TAFA2: variants seen among roughly 807,000 people sequenced by gnomAD.
TAFA2 encodes TAFA chemokine like family member 2, also known as chemokine-like protein TAFA-2.
TAFA2 carries 7 observed loss-of-function variants against 18.8 expected under a neutral mutation model. That is an observed-to-expected ratio of 0.37 (90% CI 0.21 to 0.70). TAFA2 has a LOEUF of 0.70. Among genes scored for constraint, TAFA2 ranks in the 30% least tolerant of loss-of-function variants. The pLI, the probability that TAFA2 is intolerant of heterozygous loss-of-function variation, is 0.53. For missense variants in TAFA2, 122 were observed against 158.1 expected, an observed-to-expected ratio of 0.77 and a Z score of 1.23; for synonymous variants, 60 against 54.2, an observed-to-expected ratio of 1.11 and a Z score of -0.47.
At chr12:62,009,130 C>T (rs1355002664) in intron 1 of TAFA2, among the ~76,000 whole-genome samples, 1 of 152,156 alleles carries the variant, frequency 6.6e-6, no homozygotes, top group Non-Finnish European at 1.5e-5. Context: ...CACATAGAAT[C>T]ATCATATTAA....
At chr12:61,974,336 G>A (rs892816554) in intron 1 of TAFA2, among the ~76,000 whole-genome samples, 23 of 151,712 alleles carry the variant, frequency 1.5e-4, no homozygotes, top group African/African-American at 5.6e-4. Context: ...GCAAGAAAAG[G>A]TCATCTCTTA....
At chr12:61,780,812 C>T (rs11174171) in intron 2 of TAFA2, among the ~76,000 whole-genome samples, 3,741 of 151,828 alleles carry the variant, frequency 0.025, 151 homozygotes, top group African/African-American at 0.086. Flanking sequence ...TCCTCTATGG[C>T]AATAGTCTTC....
intron 1 of TAFA2, among the ~76,000 whole-genome samples, chr12:62,072,076 G>T (rs560508773): frequency 6.6e-6 from 1 of 152,136 alleles, no homozygotes; most frequent in South Asian, 2.1e-4. Context: ...CTTAGACAAA[G>T]TTGCATATCC....
intron 1 of TAFA2, among the ~76,000 whole-genome samples, chr12:62,171,618 A>C (rs975767800): frequency 3.3e-5 from 5 of 152,190 alleles, no homozygotes; most frequent in African/African-American, 9.6e-5. Context: ...CCATGTGAGG[A>C]CACAGCAAGG....
intron 1 of TAFA2, among the ~76,000 whole-genome samples, chr12:62,227,230 A>G (rs1467259387): frequency 2.6e-5 from 4 of 151,716 alleles, no homozygotes; most frequent in African/African-American, 9.7e-5. Flanking sequence ...ACACTCTTAC[A>G]TTTCTTCTTG....
At chr12:62,251,747 C>G (rs956446906) in intron 1 of TAFA2, among the ~76,000 whole-genome samples, 6 of 152,148 alleles carry the variant, frequency 3.9e-5, no homozygotes, top group Admixed American at 3.3e-4. Context: ...TCTTTAAAAC[C>G]CTACATCAAT....
chr12:62,034,062 G>GA (rs1881534522), intron 1 of TAFA2, among the ~76,000 whole-genome samples: 1 of 152,130 alleles, frequency 6.6e-6, no homozygotes, highest in East Asian at 1.9e-4. Flanking sequence ...GAGGTTGGGG[G>GA]AAAAAGAGTG....
chr12:61,730,819 T>C (rs1421289821), intron 4 of TAFA2, among the ~76,000 whole-genome samples: 1 of 152,104 alleles, frequency 6.6e-6, no homozygotes, highest in Non-Finnish European at 1.5e-5. Flanking sequence ...AGGGCTGAGA[T>C]CTTGTCCCAG....
chr12:62,053,902 A>G (rs1882120008), intron 1 of TAFA2, among the ~76,000 whole-genome samples: 1 of 152,224 alleles, frequency 6.6e-6, no homozygotes, highest in Non-Finnish European at 1.5e-5. Context: ...TAATACATAG[A>G]AAATGTTGAA....
At chr12:62,050,441 A>G (rs1146076) in intron 1 of TAFA2, among the ~76,000 whole-genome samples, 125,425 of 151,814 alleles carry the variant, frequency 0.83, 52,012 homozygotes, top group Middle Eastern at 0.87. Context: ...GCGTGGTGGC[A>G]GGCACCTATA....
intron 1 of TAFA2, among the ~76,000 whole-genome samples, chr12:62,090,708 A>T (rs1458503254): frequency 1.3e-5 from 2 of 151,778 alleles, no homozygotes; most frequent in Non-Finnish European, 2.9e-5. Flanking sequence ...CATGACAAAT[A>T]TTTTTTCTAA....
At chr12:61,832,197 G>A (rs866900628) in intron 2 of TAFA2, among the ~76,000 whole-genome samples, 14 of 151,962 alleles carry the variant, frequency 9.2e-5, no homozygotes, top group South Asian at 2.1e-4. Context: ...CCATAAAGCC[G>A]CAGAATAGCA....
chr12:61,765,956 C>T (rs1869771621), intron 2 of TAFA2, among the ~76,000 whole-genome samples: 1 of 152,078 alleles, frequency 6.6e-6, no homozygotes, highest in South Asian at 2.1e-4. Context: ...AGTTCACTGT[C>T]AGTTCCATTA....
chr12:62,083,580 T>C (rs1332497153), intron 1 of TAFA2, among the ~76,000 whole-genome samples: 2 of 152,204 alleles, frequency 1.3e-5, no homozygotes, highest in Non-Finnish European at 2.9e-5. Context: ...AATACTTTTA[T>C]AGTTGCAAAC....
chr12:61,866,456 G>A (rs1334550456), intron 2 of TAFA2, among the ~76,000 whole-genome samples: 1 of 152,160 alleles, frequency 6.6e-6, no homozygotes, highest in Non-Finnish European at 1.5e-5. Flanking sequence ...CTTTATAGTG[G>A]GCAGAGAACT....
chr12:62,175,816 C>A (rs901103230), intron 1 of TAFA2, among the ~76,000 whole-genome samples: 12 of 151,536 alleles, frequency 7.9e-5, no homozygotes, highest in African/African-American at 2.9e-4. Flanking sequence ...ATTATATAAG[C>A]AACAATTCTA....
At chr12:62,103,318 A>C (rs1299750268) in intron 1 of TAFA2, among the ~76,000 whole-genome samples, 2 of 152,168 alleles carry the variant, frequency 1.3e-5, no homozygotes, top group African/African-American at 4.8e-5. Flanking sequence ...TTCATTTCCA[A>C]TTTCATCCTA....
At chr12:62,172,346 A>G (rs1194142996) in intron 1 of TAFA2, among the ~76,000 whole-genome samples, 1 of 152,194 alleles carries the variant, frequency 6.6e-6, no homozygotes, top group Non-Finnish European at 1.5e-5. Context: ...TGACTAAAGC[A>G]AACAAATAAG....
rs148326354 is a variant in TAFA2, at chr12:62,094,078, G to A, written c.-2+97181C>T. On this transcript the variant is annotated intron_variant, in intron 1 of 4. Coordinates refer to ENST00000416284, the MANE Select transcript of TAFA2 (RefSeq NM_178539.5). ...AAACTTTGTTTTAAAACTTCTTTTC[G>A]GTGGATATTTTGTAACTTAGGTACC... Among the ~76,000 whole-genome samples the A allele has an allele frequency of 1.9e-3, 282 of 151,932 alleles. 3 individuals are homozygous for A. Among genetic ancestry groups the A allele is most frequent in the African/African-American group, 6.4e-3 (265 of 41,454 alleles).
Sources: allele counts gnomAD v4.1 joint callset (sites outside exome capture counted in the v4.1 genomes callset), GRCh38; gene constraint gnomAD v4.1.1; transcripts MANE v1.5; gene names NCBI Gene and HGNC (gene_info 2026-07-23, HGNC 2026-07-21).